EMC7: variants seen among roughly 807,000 people sequenced by gnomAD.
EMC7 encodes endoplasmic reticulum membrane protein complex subunit 7.
In EMC7, 4 loss-of-function variants were observed where a neutral mutation model predicts 24.4. The ratio of observed to expected loss-of-function variants is 0.16; its 90% CI spans 0.08 to 0.38. EMC7 has a LOEUF of 0.38. Among genes scored for constraint, EMC7 ranks in the 10% least tolerant of loss-of-function variants. EMC7 has a pLI of 1.00. For synonymous variants in EMC7, 106 were observed against 112.0 expected, an observed-to-expected ratio of 0.95 and a Z score of 0.34; for missense variants, 221 against 300.6, an observed-to-expected ratio of 0.74 and a Z score of 1.96.
rs142313992 is a variant in EMC7 at position 34,095,946 on chromosome 15, G to A, written c.305C>T (p.Ala102Val). ...GSYVVEVVSPAYRFDPVRVDI... is the reference protein window; with the variant it reads ...GSYVVEVVSPVYRFDPVRVDI... ...CACTCGAACGGGATCAAATCTGTAA[G>A]CTGGAGATACAACTTCCACTACATA... is the stretch of plus-strand genomic sequence containing the variant. The change falls in exon 2 of 5, where the codon GCT becomes GTT. Residue 102 changes from alanine to valine, a missense_variant. Physicochemically the swap from Ala to Val is moderately conservative, Grantham distance 64. Coordinates refer to ENST00000256545, the MANE Select transcript of EMC7 (RefSeq NM_020154.3). The A allele has an allele frequency of 2.7e-3, 4,358 of 1,610,732 alleles. 12 individuals carry two copies. The highest frequency in any genetic ancestry group is 4.1e-3 in the South Asian group (370 of 90,740).
In EMC7 at chr15:34,088,036, C is replaced by T; in HGVS notation, c.576+17G>A. The T allele has an allele frequency of 2.5e-6, 4 of 1,594,036 alleles. No homozygotes were observed. Among genetic ancestry groups the T allele is most frequent in the East Asian group, 2.2e-5 (1 of 44,704 alleles). ...CTCTTAAAAAAAAAAAAATCCATAG[C>T]TGGACCATCATCTTACCCGTCTCAT... On this transcript the variant is annotated intron_variant, in intron 4 of 4. Coordinates refer to ENST00000256545, the MANE Select transcript of EMC7 (RefSeq NM_020154.3).
chr15:34,084,285 C>G lies in EMC7; in HGVS notation c.*49G>C. ...CACACGGTTTTCCAAGACTTGGATG[C>G]CACCCAGTGTTGCCGTGTTTGTGCA... On this transcript the variant is annotated 3_prime_UTR_variant, in exon 5 of 5. Coordinates refer to ENST00000256545, the MANE Select transcript of EMC7 (RefSeq NM_020154.3). 1 of 1,569,436 alleles carries G rather than the reference C, an allele frequency of 6.4e-7. No individual in the cohort carries two copies. The highest frequency in any genetic ancestry group is 8.7e-7 in the Non-Finnish European group (1 of 1,152,980).
rs1411002698 is a variant in EMC7, at chr15:34,096,977, A to AC, written c.237-964_237-963insG. On this transcript the variant is annotated intron_variant, in intron 1 of 4. Coordinates refer to ENST00000256545, the MANE Select transcript of EMC7 (RefSeq NM_020154.3). ...CAGAGCAAAAACTCCATCTCCAACA[A>AC]AAAAAAAAAAAGGCATTTTGTTCTA... is the stretch of plus-strand genomic sequence containing the variant. Among the ~76,000 whole-genome samples, 189 of 145,892 alleles carry AC rather than the reference A, an allele frequency of 1.3e-3. 1 individual carries two copies. Among genetic ancestry groups the AC allele is most frequent in the Admixed American group, 3.1e-3 (46 of 14,738 alleles).
chr15:34,088,977 C>T (rs1900935283), intron 3 of EMC7, among the ~76,000 whole-genome samples: 1 of 152,150 alleles, frequency 6.6e-6, no homozygotes, highest in South Asian at 2.1e-4. Flanking sequence ...CTGCCTCAGC[C>T]TCCCAAGTAG....
At chr15:34,087,942 G>T in intron 4 of EMC7, 111 bp downstream of exon 4, 1 of 873,700 alleles carries the variant, frequency 1.1e-6, no homozygotes, top group Non-Finnish European at 1.8e-6. Flanking sequence ...GATAGCTTGA[G>T]CCCAGGAGTT....
At position 34,084,230 on chromosome 15, in the gene EMC7, C is replaced by T. The variant is rs1900837842; in HGVS notation, c.*104G>A. On this transcript the variant is annotated 3_prime_UTR_variant, in exon 5 of 5. Transcript: ENST00000256545. The stretch of plus-strand genomic sequence containing the variant: ...ATACACAGTTGTAAGAGATCAACGT[C>T]GGGATGACTCAAGTTTATAGTAGTT... 1 of 1,389,006 alleles carries T rather than the reference C, an allele frequency of 7.2e-7. No homozygotes were observed. Among genetic ancestry groups the T allele is most frequent in the Admixed American group, 2.3e-5 (1 of 43,232 alleles). 86.0% of individuals were successfully genotyped at this position (1,389,006 alleles called of 1,614,324 possible). A position where few individuals can be genotyped will look rare whatever the true frequency, so the allele number is the denominator to read the frequency against.
At chr15:34,092,753 A>G (rs1316777191) in intron 2 of EMC7, among the ~76,000 whole-genome samples, 3 of 152,100 alleles carry the variant, frequency 2.0e-5, no homozygotes, top group Non-Finnish European at 2.9e-5. Flanking sequence ...CATGAATCCC[A>G]CTGCTGCAAC....
intron 4 of EMC7, chr15:34,085,992 T>C (rs74741880): frequency 0.026 from 6,597 of 254,560 alleles, 223 homozygotes; most frequent in South Asian, 0.095. Context: ...GATGGTTTTG[T>C]GGTTCTTGGA....
intron 2 of EMC7, among the ~76,000 whole-genome samples, chr15:34,092,293 A>ACACACACACACACACACACACC (rs1555523196): frequency 6.6e-6 from 1 of 151,654 alleles, no homozygotes; most frequent in African/African-American, 2.4e-5. Flanking sequence ...ACACACACAC[A>ACACACACACACACACACACACC]AAGAATTAGG....
At chr15:34,085,365 T>C (rs1299193243) in intron 4 of EMC7, among the ~76,000 whole-genome samples, 1 of 152,254 alleles carries the variant, frequency 6.6e-6, no homozygotes, top group African/African-American at 2.4e-5. Flanking sequence ...TATATAATAT[T>C]AATGTAACAT....
chr15:34,093,657 T>C (rs996665935), intron 2 of EMC7, among the ~76,000 whole-genome samples: 2 of 150,078 alleles, frequency 1.3e-5, no homozygotes, highest in African/African-American at 4.9e-5. Context: ...ATATATAACA[T>C]ATACTGTGAT....
At chr15:34,093,823 A>ATATATATTTT (rs1190830993) in intron 2 of EMC7, among the ~76,000 whole-genome samples, 1 of 48,704 alleles carries the variant, frequency 2.1e-5, no homozygotes, top group Admixed American at 2.7e-4. Flanking sequence ...ATATATATAT[A>ATATATATTTT]TTTTTTTTTT....
intron 1 of EMC7, among the ~76,000 whole-genome samples, chr15:34,097,107 C>G (rs1432749893): frequency 2.3e-5 from 3 of 132,412 alleles, no homozygotes; most frequent in African/African-American, 8.5e-5. Flanking sequence ...TATCTCGGCT[C>G]ACTGCAAGCT....
chr15:34,089,531 A>T (rs531416581), intron 3 of EMC7, among the ~76,000 whole-genome samples: 2 of 152,376 alleles, frequency 1.3e-5, no homozygotes, highest in African/African-American at 4.8e-5. Flanking sequence ...CATAATGCCA[A>T]CTACTTAAAT....
intron 4 of EMC7, chr15:34,085,894 T>C (rs8028703): frequency 0.15 from 21,213 of 142,088 alleles, 1,856 homozygotes; most frequent in South Asian, 0.27. Flanking sequence ...AAATAAAACA[T>C]GCATGAGAGC....
At chr15:34,095,742 G>A (rs1293508762) in intron 2 of EMC7, among the ~76,000 whole-genome samples, 153 bp downstream of exon 2, 1 of 152,120 alleles carries the variant, frequency 6.6e-6, no homozygotes, top group Non-Finnish European at 1.5e-5. Context: ...TCAATGTTCA[G>A]ATTAAATAAA....
At chr15:34,089,241 A>G (rs1317857174) in intron 3 of EMC7, among the ~76,000 whole-genome samples, 2 of 152,226 alleles carry the variant, frequency 1.3e-5, no homozygotes, top group Non-Finnish European at 2.9e-5. Flanking sequence ...TGTTTTCTTG[A>G]TGATAGTCAA....
chr15:34,089,977 C>G (rs1900953715), intron 3 of EMC7, among the ~76,000 whole-genome samples: 1 of 152,116 alleles, frequency 6.6e-6, no homozygotes, highest in Admixed American at 6.5e-5. Context: ...AAACAAACCA[C>G]AAACAAAAAA....
chr15:34,088,208 C>A, intron 3 of EMC7, 75 bp from the exon 4 acceptor site: 1 of 1,234,118 alleles, frequency 8.1e-7, no homozygotes, highest in Non-Finnish European at 1.1e-6. Flanking sequence ...CACTTAACAA[C>A]CAATGGTAAA....
Sources: gnomAD v4.1 joint callset for allele counts (sites outside exome capture counted in the v4.1 genomes callset) on GRCh38, gnomAD v4.1.1 for gene constraint, MANE v1.5 for transcripts, NCBI Gene and HGNC (gene_info 2026-07-23, HGNC 2026-07-21) for gene names.